Variants in NKAIN3 observed in about 807,000 individuals in gnomAD.
The protein encoded by NKAIN3 is sodium/potassium-transporting ATPase subunit beta-1-interacting protein 3.
Under a neutral mutation model 30.2 loss-of-function variants are expected in NKAIN3, and 25 were observed. That is an observed-to-expected ratio of 0.83 (90% CI 0.60 to 1.16). NKAIN3 has a LOEUF of 1.16. Ranked by LOEUF, NKAIN3 falls within the 50% of genes most tolerant of loss-of-function variation. NKAIN3 has a pLI of 0.00. For synonymous variants in NKAIN3, 91 were observed against 89.6 expected, an observed-to-expected ratio of 1.02 and a Z score of -0.09; for missense variants, 225 against 254.1, an observed-to-expected ratio of 0.89 and a Z score of 0.78.
chr8:62,590,243 T>A (rs767055169), intron 3 of NKAIN3, among the ~76,000 whole-genome samples: 5 of 151,770 alleles, frequency 3.3e-5, no homozygotes, highest in Non-Finnish European at 7.4e-5. Flanking sequence ...CTGGAAAAAA[T>A]TGACCAAGAA....
intron 1 of NKAIN3, among the ~76,000 whole-genome samples, chr8:62,387,877 A>G (rs1171018839): frequency 6.6e-6 from 1 of 152,200 alleles, no homozygotes; most frequent in Non-Finnish European, 1.5e-5. Flanking sequence ...TGAAAAAGAA[A>G]AGCAAAAAAC....
chr8:62,840,686 T>A (rs1048647868), intron 4 of NKAIN3, among the ~76,000 whole-genome samples: 1 of 152,158 alleles, frequency 6.6e-6, no homozygotes, highest in African/African-American at 2.4e-5. Flanking sequence ...TCCAACCATT[T>A]TAATAGTATT....
At chr8:62,685,149 A>G (rs566007140) in intron 3 of NKAIN3, among the ~76,000 whole-genome samples, 2 of 152,276 alleles carry the variant, frequency 1.3e-5, no homozygotes, top group African/African-American at 2.4e-5. Flanking sequence ...TTAGGTTAAC[A>G]TTGGCGAGAT....
intron 4 of NKAIN3, among the ~76,000 whole-genome samples, chr8:62,881,149 C>T (rs1048533868): frequency 2.0e-5 from 3 of 152,188 alleles, no homozygotes; most frequent in Admixed American, 6.5e-5. Flanking sequence ...AGGGTTCACT[C>T]TGGCATTTAC....
At chr8:62,905,093 G>A (rs1330534447) in intron 4 of NKAIN3, among the ~76,000 whole-genome samples, 1 of 152,120 alleles carries the variant, frequency 6.6e-6, no homozygotes, top group Non-Finnish European at 1.5e-5. Context: ...AGAACAAAGT[G>A]CAGAGACTGT....
At chr8:62,908,136 A>G in intron 4 of NKAIN3, among the ~76,000 whole-genome samples, 1 of 152,182 alleles carries the variant, frequency 6.6e-6, no homozygotes, top group East Asian at 1.9e-4. Context: ...CATGGAGTCA[A>G]AGGAGATCAT....
chr8:62,754,168 A>C (rs1335891973), intron 4 of NKAIN3, among the ~76,000 whole-genome samples: 2 of 152,116 alleles, frequency 1.3e-5, no homozygotes, highest in Non-Finnish European at 2.9e-5. Flanking sequence ...TTATCAACCA[A>C]TCCTAAATCT....
intron 3 of NKAIN3, among the ~76,000 whole-genome samples, chr8:62,719,826 G>A (rs755972561): frequency 7.0e-6 from 1 of 143,780 alleles, no homozygotes; most frequent in Non-Finnish European, 1.5e-5. Context: ...GCGCGATCTC[G>A]GTTCACTGCA....
chr8:62,739,116 G>A (rs911942624), intron 3 of NKAIN3, among the ~76,000 whole-genome samples: 6 of 152,114 alleles, frequency 3.9e-5, no homozygotes, highest in African/African-American at 1.4e-4. Flanking sequence ...GCCTGTTGGG[G>A]GTTGGAGGCT....
At chr8:62,961,069 CAG>C (rs1245775392) in intron 6 of NKAIN3, among the ~76,000 whole-genome samples, 1 of 152,082 alleles carries the variant, frequency 6.6e-6, no homozygotes, top group Non-Finnish European at 1.5e-5. Flanking sequence ...CACTTGAGGT[CAG>C]GAGTTCGACA....
rs1806357607 is a variant in NKAIN3 at position 62,471,791 on chromosome 8, G to C, written c.55-107748G>C. 2.6e-5 allele frequency among the ~76,000 whole-genome samples: 4 copies of C among 152,132 alleles called. No individual in the cohort carries two copies. The South Asian group carries it at 8.3e-4, about 32-fold the overall frequency. ...AGACCTCACCTCCACAAAAATTAAA[G>C]AAAAAGATAGCTGGGTGTGCTGGAG... is the stretch of plus-strand genomic sequence containing the variant. On this transcript the variant is annotated intron_variant, in intron 1 of 6. Coordinates refer to ENST00000623646, the MANE Select transcript of NKAIN3 (RefSeq NM_001304533.3).
At chr8:62,496,049 A>G (rs957016221) in intron 1 of NKAIN3, among the ~76,000 whole-genome samples, 2 of 152,256 alleles carry the variant, frequency 1.3e-5, no homozygotes, top group African/African-American at 4.8e-5. Context: ...TTTTGTGTGT[A>G]GTTGTAATTT....
At chr8:62,390,052 G>T (rs1563376822) in intron 1 of NKAIN3, among the ~76,000 whole-genome samples, 1 of 151,884 alleles carries the variant, frequency 6.6e-6, no homozygotes, top group Non-Finnish European at 1.5e-5. Context: ...TAAGTTCAGG[G>T]GTATATGTGT....
chr8:62,365,719 T>A (rs1816715244), intron 1 of NKAIN3, among the ~76,000 whole-genome samples: 1 of 152,152 alleles, frequency 6.6e-6, no homozygotes, highest in Non-Finnish European at 1.5e-5. Context: ...CACTTATCCC[T>A]CCAGGACATA....
At chr8:62,513,530 G>C (rs1807878387) in intron 1 of NKAIN3, among the ~76,000 whole-genome samples, 1 of 152,086 alleles carries the variant, frequency 6.6e-6, no homozygotes, top group African/African-American at 2.4e-5. Context: ...GTAGGCGTTA[G>C]TGTGGTAAAG....
intron 4 of NKAIN3, among the ~76,000 whole-genome samples, chr8:62,901,795 G>A (rs936011174): frequency 6.6e-6 from 1 of 152,158 alleles, no homozygotes; most frequent in Non-Finnish European, 1.5e-5. Flanking sequence ...ACATTCTCCT[G>A]AGAACTATAA....
At chr8:62,918,337 C>T in intron 4 of NKAIN3, 116 bp from the exon 5 acceptor site, 1 of 731,474 alleles carries the variant, frequency 1.4e-6, no homozygotes, top group Non-Finnish European at 2.4e-6. Context: ...AGAGTTTTTC[C>T]ACTGCAAACT....
chr8:62,775,150 G>C (rs1048474700), intron 4 of NKAIN3, among the ~76,000 whole-genome samples: 1 of 151,942 alleles, frequency 6.6e-6, no homozygotes, highest in Non-Finnish European at 1.5e-5. Context: ...ATGTGTCCAG[G>C]AATTTATCTA....
chr8:62,628,266 C>T (rs1811848946), intron 3 of NKAIN3, among the ~76,000 whole-genome samples: 1 of 152,106 alleles, frequency 6.6e-6, no homozygotes, highest in African/African-American at 2.4e-5. Context: ...CAGTCAGATG[C>T]TAAAATGTCA....
Sources: gnomAD v4.1 joint callset for allele counts (sites outside exome capture counted in the v4.1 genomes callset) on GRCh38, gnomAD v4.1.1 for gene constraint, MANE v1.5 for transcripts, NCBI Gene and HGNC (gene_info 2026-07-23, HGNC 2026-07-21) for gene names.